The following SMPD3 variants were observed in gnomAD, a reference collection of about 807,000 sequenced individuals.
SMPD3 encodes nSMase-2.
A neutral mutation model predicts 55.7 loss-of-function variants in SMPD3; 21 were observed. That is an observed-to-expected ratio of 0.38 (90% CI 0.27 to 0.54). The LOEUF is 0.54. SMPD3 is among the 20% of genes least tolerant of loss of function. The pLI is 0.80. For missense variants in SMPD3, 842 were observed against 899.6 expected, an observed-to-expected ratio of 0.94 and a Z score of 0.82; for synonymous variants, 457 against 404.3, an observed-to-expected ratio of 1.13 and a Z score of -1.56.
In SMPD3 at chr16:68,361,202, C is replaced by A. The variant is rs761757160; in HGVS notation, c.*4G>T. 9.9e-6 allele frequency: 16 copies of A among 1,612,738 alleles called. No homozygotes were observed. The highest frequency in any genetic ancestry group is 1.3e-5 in the Non-Finnish European group (15 of 1,179,426). ...CTGGCAGAGGCCCCGCTGCTCCGGA[C>A]GGTCTATGCCTCCTCCTCCCCCGAA... On this transcript the variant is annotated 3_prime_UTR_variant, in exon 9 of 9. Coordinates refer to ENST00000219334, the MANE Select transcript of SMPD3 (RefSeq NM_018667.4).
chr16:68,388,076 C>T (rs78064262), intron 1 of SMPD3, among the ~76,000 whole-genome samples: 3,015 of 152,288 alleles, frequency 0.02, 128 homozygotes, highest in African/African-American at 0.068. Context: ...CTACAAGATC[C>T]TGGATGGCCA....
At chr16:68,402,836 C>G (rs1360827211) in intron 1 of SMPD3, among the ~76,000 whole-genome samples, 2 of 152,238 alleles carry the variant, frequency 1.3e-5, no homozygotes, top group African/African-American at 2.4e-5. Context: ...CAACCTCCAA[C>G]TGGAATGTCA....
rs200890605 is a variant in SMPD3 at position 68,432,072 on chromosome 16, C to T, written c.-269+16281G>A. Among the ~76,000 whole-genome samples the T allele has an allele frequency of 2.4e-4, 36 of 152,224 alleles. No individual in the cohort carries two copies. In the East Asian group the frequency reaches 5.6e-3, roughly 24 times the overall value. On this transcript the variant is annotated intron_variant, in intron 1 of 8. Transcript: ENST00000219334. ...AGAGGTGCACTGAGCTGAGATTGTG[C>T]CACTGCACTCCAGCCTGGGTGGCAC...
intron 1 of SMPD3, among the ~76,000 whole-genome samples, chr16:68,441,403 GCC>G (rs2090564741): frequency 6.6e-6 from 1 of 152,172 alleles, no homozygotes; most frequent in Non-Finnish European, 1.5e-5. Flanking sequence ...GAACAACACT[GCC>G]CAGTAGAAAT....
chr16:68,437,962 A>G (rs2090536742), intron 1 of SMPD3, among the ~76,000 whole-genome samples: 1 of 152,220 alleles, frequency 6.6e-6, no homozygotes, highest in South Asian at 2.1e-4. Context: ...TTTGTAAAAC[A>G]AGCTGTTTGC....
intron 1 of SMPD3, among the ~76,000 whole-genome samples, chr16:68,398,728 A>G (rs761468944): frequency 1.3e-5 from 2 of 152,250 alleles, no homozygotes; most frequent in Non-Finnish European, 2.9e-5. Flanking sequence ...TGCTCTTAAA[A>G]TAGAATCTCC....
chr16:68,371,708 G>A lies in SMPD3; in HGVS notation c.474C>T (p.Ile158=). Reference sequence around the variant, plus strand: ...TCTGGGGCCGGGCGGCCCCATTGCGGATTCTCTGCCCGATCTCCTTGGCCC... The same window carrying A: ...TCTGGGGCCGGGCGGCCCCATTGCGAATTCTCTGCCCGATCTCCTTGGCCC... ...QARAKEIGQR[I]RNGAARPQIK... is the part of the protein sequence containing the mutation. The change falls in exon 3 of 9, where the codon ATC becomes ATT. Residue 158 remains isoleucine, a synonymous_variant. Transcript: ENST00000219334. The A allele has an allele frequency of 6.3e-7, 1 of 1,586,168 alleles. No homozygotes were observed. Among genetic ancestry groups the A allele is most frequent in the South Asian group, 1.1e-5 (1 of 87,470 alleles).
chr16:68,392,815 C>T (rs900906888), intron 1 of SMPD3, among the ~76,000 whole-genome samples: 1 of 114,176 alleles, frequency 8.8e-6, no homozygotes, highest in African/African-American at 3.6e-5. Flanking sequence ...GATTGCGTGA[C>T]AGAATGAGAC....
In SMPD3 at chr16:68,358,525, G is replaced by A. The variant is rs1050964531; in HGVS notation, c.*2681C>T. The A allele has an allele frequency of 1.3e-5, 2 of 152,528 alleles. No homozygotes were observed. Among genetic ancestry groups the A allele is most frequent in the African/African-American group, 4.8e-5 (2 of 41,402 alleles). The allele number at this position is 152,528 out of a possible 1,614,324, so 9.4% of individuals were successfully genotyped here. On this transcript the variant is annotated 3_prime_UTR_variant, in exon 9 of 9. Coordinates refer to ENST00000219334, the MANE Select transcript of SMPD3 (RefSeq NM_018667.4). ...GTGCTTACCATAGAAAACCCCTAAT[G>A]TCCCATGAAGATACAATACAGAAAA...
At chr16:68,435,132 A>G (rs2090512200) in intron 1 of SMPD3, among the ~76,000 whole-genome samples, 1 of 60,506 alleles carries the variant, frequency 1.7e-5, no homozygotes, top group African/African-American at 4.7e-5. Context: ...TGAGAAAGAC[A>G]GCCCAGCAGA....
chr16:68,419,872 T>A (rs1280062541), intron 1 of SMPD3, among the ~76,000 whole-genome samples: 1 of 152,136 alleles, frequency 6.6e-6, no homozygotes, highest in East Asian at 1.9e-4. Context: ...GCTCCACCTA[T>A]CACTAATTGT....
chr16:68,367,979 C>A lies in SMPD3; in HGVS notation c.1323+2880G>T, dbSNP rs1040869378. On this transcript the variant is annotated intron_variant, in intron 3 of 8. Coordinates refer to ENST00000219334, the MANE Select transcript of SMPD3 (RefSeq NM_018667.4). ...CATACGGGAAACCATGAGGGCCTTC[C>A]GGGAAGGAGGGGACCGCTGATTTCT... is the stretch of plus-strand genomic sequence containing the variant. The A allele has an allele frequency of 2.0e-5, 3 of 152,230 alleles. No individual in the cohort carries two copies. The East Asian group carries it at 5.8e-4, about 29-fold the overall frequency. 9.4% of individuals were successfully genotyped at this position (152,230 alleles called of 1,614,324 possible).
chr16:68,387,178 T>TG (rs1894627538), intron 1 of SMPD3, among the ~76,000 whole-genome samples: 1 of 151,574 alleles, frequency 6.6e-6, no homozygotes, highest in Non-Finnish European at 1.5e-5. Context: ...GCCACCAGGA[T>TG]GGGGTGGATT....
At chr16:68,374,122 G>A (rs569636448) in intron 2 of SMPD3, among the ~76,000 whole-genome samples, 95 of 152,348 alleles carry the variant, frequency 6.2e-4, no homozygotes, top group African/African-American at 2.0e-3. Context: ...GCACAGGGGC[G>A]CCCTAGAGTC....
rs180958022 is a variant in SMPD3 at position 68,392,093 on chromosome 16, C to T, written c.-268-5434G>A. ...TTTTAGTAGAGACAGGGTTTCACCA[C>T]GTGGGCCAGGCCGGCCTCGAAATTC... On this transcript the variant is annotated intron_variant, in intron 1 of 8. Transcript: ENST00000219334. Among the ~76,000 whole-genome samples, 45 of 152,212 alleles carry T rather than the reference C, an allele frequency of 3.0e-4. 1 individual carries two copies. The highest frequency in any genetic ancestry group is 5.4e-4 in the Non-Finnish European group (37 of 68,008).
intron 1 of SMPD3, among the ~76,000 whole-genome samples, chr16:68,431,675 A>T (rs892772485): frequency 6.6e-6 from 1 of 152,212 alleles, no homozygotes; most frequent in African/African-American, 2.4e-5. Context: ...TAATCCCAAC[A>T]CTTTGGGAGG....
At chr16:68,436,220 G>A (rs2090522020) in intron 1 of SMPD3, among the ~76,000 whole-genome samples, 1 of 152,188 alleles carries the variant, frequency 6.6e-6, no homozygotes, top group African/African-American at 2.4e-5. Flanking sequence ...TCATGCAATA[G>A]AACAATCTGA....
At position 68,409,815 on chromosome 16, in the gene SMPD3, G is replaced by A. The variant is rs192193401; in HGVS notation, c.-268-23156C>T. 2.0e-4 allele frequency among the ~76,000 whole-genome samples: 31 copies of A among 152,314 alleles called. No homozygotes were observed. In the East Asian group the frequency reaches 5.0e-3, roughly 25 times the overall value. On this transcript the variant is annotated intron_variant, in intron 1 of 8. Coordinates refer to ENST00000219334, the MANE Select transcript of SMPD3 (RefSeq NM_018667.4). ...TCACTGTTTTAGCCGGGATGGTCTC[G>A]ACTCCTGACCTCGTGATCTGCCCGC...
At chr16:68,411,198 C>G (rs1360804308) in intron 1 of SMPD3, among the ~76,000 whole-genome samples, 1 of 152,254 alleles carries the variant, frequency 6.6e-6, no homozygotes, top group Non-Finnish European at 1.5e-5. Context: ...GTGCCCTCCC[C>G]CAACCTCAGG....
Sources: allele counts gnomAD v4.1 joint callset (sites outside exome capture counted in the v4.1 genomes callset), GRCh38; gene constraint gnomAD v4.1.1; transcripts MANE v1.5; gene names NCBI Gene and HGNC (gene_info 2026-07-23, HGNC 2026-07-21).